The following ANKLE2 variants were observed in gnomAD, a reference collection of about 807,000 sequenced individuals.
The protein encoded by ANKLE2 is ankyrin repeat and LEM domain containing 2, also known as ankyrin repeat and LEM domain-containing protein 2.
In ANKLE2, 55 loss-of-function variants were observed where a neutral mutation model predicts 84.2. The observed-to-expected ratio is 0.65, with a 90% CI of 0.53 to 0.82. The LOEUF (loss-of-function observed/expected upper bound fraction) is 0.82. Among genes scored for constraint, ANKLE2 ranks in the 40% least tolerant of loss-of-function variants. The pLI is 0.00. For synonymous variants in ANKLE2, 551 were observed against 486.1 expected, an observed-to-expected ratio of 1.13 and a Z score of -1.76; for missense variants, 1,238 against 1,201.9, an observed-to-expected ratio of 1.03 and a Z score of -0.44.
chr12:132,744,918 G>A (rs1261025299), intron 5 of ANKLE2, among the ~76,000 whole-genome samples: 1 of 152,216 alleles, frequency 6.6e-6, no homozygotes, highest in Non-Finnish European at 1.5e-5. Context: ...CTGACCTCGT[G>A]ATCCGCCTGC....
At position 132,734,467 on chromosome 12, in the gene ANKLE2, G is replaced by A; in HGVS notation, c.1809C>T (p.Leu603=). The stretch of plus-strand genomic sequence containing the variant: ...CCTTTTTGCCTATTTCCTGCTGTGT[G>A]AGATATTCTTCTAGTCTTTGCAGGC... The part of the protein sequence containing the change: ...QEGLQRLEEY[L]TQQEIGKKAQ... The change falls in exon 10 of 13, where the codon CTC becomes CTT. Residue 603 remains leucine, a synonymous_variant. Coordinates refer to ENST00000357997, the MANE Select transcript of ANKLE2 (RefSeq NM_015114.3). 1 of 1,614,142 alleles carries A rather than the reference G, an allele frequency of 6.2e-7. No homozygotes were observed. Among genetic ancestry groups the A allele is most frequent in the Non-Finnish European group, 8.5e-7 (1 of 1,180,018 alleles).
At position 132,754,733 on chromosome 12, in the gene ANKLE2, C is replaced by G; in HGVS notation, c.582G>C (p.Lys194Asn). ...DTYRAGATAS[K>N]EPPLYYGVCP... Reference sequence around the variant, plus strand: ...ACACCCCATAGTACAGGGGCGGCTCCTTAGACGCAGTCGCTCCAGCTCTGT... The same window carrying G: ...ACACCCCATAGTACAGGGGCGGCTCGTTAGACGCAGTCGCTCCAGCTCTGT... The change falls in exon 2 of 13, where the codon AAG becomes AAC. Residue 194 changes from lysine (K) to asparagine (N), a missense_variant. Physicochemically the swap from Lys to Asn is moderately conservative, Grantham distance 94 (BLOSUM62 0). This residue lies in a region of ANKLE2 where 422 missense variants were observed against 394.5 expected (regional missense o/e 1.07). Coordinates refer to ENST00000357997, the MANE Select transcript of ANKLE2 (RefSeq NM_015114.3). The G allele has an allele frequency of 6.2e-7, 1 of 1,614,156 alleles. No individual in the cohort carries two copies. The highest frequency in any genetic ancestry group is 1.1e-5 in the South Asian group (1 of 91,082).
At chr12:132,735,340 T>G in intron 9 of ANKLE2, 66 bp downstream of exon 9, 1 of 1,415,562 alleles carries the variant, frequency 7.1e-7, no homozygotes, top group Non-Finnish European at 1.0e-6. Flanking sequence ...TGATTTGACC[T>G]TCTGTCATTA....
rs527490263 is a variant in ANKLE2 at position 132,730,181 on chromosome 12, T to C, written c.1981A>G (p.Asn661Asp). Reference sequence around the variant, plus strand: ...AAAGCACCGACTGTGGGCGGGCTGTTATTTCGAGCTGCATTTTGCCGATTT... The same window carrying C: ...AAAGCACCGACTGTGGGCGGGCTGTCATTTCGAGCTGCATTTTGCCGATTT... Reference protein sequence around the residue: ...IKNRQNAARNNSPPTVGAFGH... With the variant: ...IKNRQNAARNDSPPTVGAFGH... The change falls in exon 11 of 13, where the codon AAC (asparagine) becomes GAC (aspartate). Residue 661 changes from asparagine (N) to aspartate (D), a missense_variant. Coordinates refer to ENST00000357997, the MANE Select transcript of ANKLE2 (RefSeq NM_015114.3). 1.9e-6 allele frequency: 3 copies of C among 1,605,348 alleles called. No homozygotes were observed. Among genetic ancestry groups the C allele is most frequent in the African/African-American group, 1.3e-5 (1 of 74,736 alleles).
Position 132,730,186 on chromosome 12 carries a change from C to T in ANKLE2, c.1976G>A (p.Arg659Gln), listed in dbSNP as rs777760210. 8 of 1,603,652 alleles carry T rather than the reference C, an allele frequency of 5.0e-6. No homozygotes were observed. The highest frequency in any genetic ancestry group is 3.3e-5 in the South Asian group (3 of 90,794). Residue 659 changes from arginine to glutamine, a missense_variant, in exon 11 of 13, where the codon CGA becomes CAA. By Grantham distance (43) the Arg-to-Gln change is conservative. This residue lies in a region of ANKLE2 where 802 missense variants were observed against 774.5 expected (regional missense o/e 1.04). Coordinates refer to ENST00000357997, the MANE Select transcript of ANKLE2 (RefSeq NM_015114.3). ...EEIKNRQNAA[R>Q]NNSPPTVGAF... is the part of the protein sequence containing the mutation. The stretch of plus-strand genomic sequence containing the variant: ...ACCGACTGTGGGCGGGCTGTTATTT[C>T]GAGCTGCATTTTGCCGATTTTTTAT...
chr12:132,728,479 C>T (rs1371328105), intron 11 of ANKLE2, among the ~76,000 whole-genome samples: 3 of 152,222 alleles, frequency 2.0e-5, no homozygotes, highest in African/African-American at 4.8e-5. Context: ...CCACCCACCT[C>T]GGCCTCCCAA....
Position 132,727,991 on chromosome 12 carries a change from A to C in ANKLE2, c.2615+41T>G, listed in dbSNP as rs758973578. On this transcript the variant is annotated intron_variant, in intron 12 of 12. Coordinates refer to ENST00000357997, the MANE Select transcript of ANKLE2 (RefSeq NM_015114.3). ...AACTGGACCCTGCAGAAGTTTCCAA[A>C]AGCTGCCCTGCGGGTGACAGGCTGT... 2.2e-5 allele frequency: 35 copies of C among 1,568,428 alleles called. No individual in the cohort carries two copies. In the Admixed American group the frequency reaches 7.1e-4, roughly 32 times the overall value.
At chr12:132,753,861 G>T (rs114877680) in intron 2 of ANKLE2, among the ~76,000 whole-genome samples, 1,995 of 152,338 alleles carry the variant, frequency 0.013, 33 homozygotes, top group African/African-American at 0.046. Context: ...AGCCAGAAAG[G>T]TTGAGGCTGC....
At position 132,755,126 on chromosome 12, in the gene ANKLE2, C is replaced by A; in HGVS notation, c.189G>T (p.Met63Ile). 2 of 1,598,568 alleles carry A rather than the reference C, an allele frequency of 1.3e-6. No homozygotes were observed. The highest frequency in any genetic ancestry group is 1.7e-6 in the Non-Finnish European group (2 of 1,176,542). Residue 63 changes from methionine to isoleucine, a missense_variant, in exon 2 of 13, where the codon ATG becomes ATT. By Grantham distance (10) the Met-to-Ile change is conservative. Around this residue, in one of 3 missense-constraint regions of ANKLE2, gnomAD observed 422 missense variants for 394.5 expected, o/e 1.07. Transcript: ENST00000357997. ...ATCGAGCCAACAGAGCATCCATTGT[C>A]ATTTCACCTAGGCCCAAGACAAAAA... ...SAAAAPASGEMTMDALLARLK... is the reference protein window; with the variant it reads ...SAAAAPASGEITMDALLARLK...
chr12:132,760,328 C>T (rs1427466538), intron 1 of ANKLE2: 1 of 152,128 alleles, frequency 6.6e-6, no homozygotes, highest in East Asian at 1.9e-4. Flanking sequence ...ATTTTCTCCC[C>T]ACAAATCACG....
In ANKLE2 at chr12:132,754,735, T is replaced by C. The variant is rs2044438308; in HGVS notation, c.580A>G (p.Lys194Glu). 6.2e-7 allele frequency: 1 copy of C among 1,614,004 alleles called. No homozygotes were observed. ...ACCCCATAGTACAGGGGCGGCTCCT[T>C]AGACGCAGTCGCTCCAGCTCTGTAG... ...DTYRAGATAS[K>E]EPPLYYGVCP... is the part of the protein sequence containing the mutation. Residue 194 changes from lysine to glutamate, a missense_variant, in exon 2 of 13, where the codon AAG (lysine) becomes GAG (glutamate). By Grantham distance (56) the Lys-to-Glu change is moderately conservative (BLOSUM62 1). Coordinates refer to ENST00000357997, the MANE Select transcript of ANKLE2 (RefSeq NM_015114.3).
rs2043690310 is a variant in ANKLE2, at chr12:132,725,868, CAAAT to C, written c.*1370_*1373del. On this transcript the variant is annotated 3_prime_UTR_variant, in exon 13 of 13. Transcript: ENST00000357997. ...GATCTAGATCTTGTCTGCTACAAAA[CAAAT>C]GAACACACCCTGTGTAACAAAATCG... The C allele has an allele frequency of 6.6e-6, 1 of 152,170 alleles. No individual in the cohort carries two copies. The highest frequency in any genetic ancestry group is 2.1e-4 in the South Asian group (1 of 4,832). The allele number at this position is 152,170 out of a possible 1,614,324, so 9.4% of individuals were successfully genotyped here. A position where few individuals can be genotyped will look rare whatever the true frequency, so the allele number is the denominator to read the frequency against.
rs1273727555 is a variant in ANKLE2, at chr12:132,726,591, A to G, written c.*651T>C. 1 of 152,224 alleles carries G rather than the reference A, an allele frequency of 6.6e-6. No individual in the cohort carries two copies. The highest frequency in any genetic ancestry group is 1.5e-5 in the Non-Finnish European group (1 of 68,068). 9.4% of individuals were successfully genotyped at this position (152,224 alleles called of 1,614,324 possible). ...CTCCCACGGGCTGCAAGACTTCCCA[A>G]GAGAAAAGCTACTTTCATCTTCTGA... On this transcript the variant is annotated 3_prime_UTR_variant, in exon 13 of 13. Transcript: ENST00000357997.
Position 132,729,666 on chromosome 12 carries a change from A to G in ANKLE2, c.2483+13T>C. Reference sequence around the variant, plus strand: ...GGGAAGGAAAGTGAGTGCAGAGGGCAACACACTCCTACCCAAAAAGGAAGA... The same window carrying G: ...GGGAAGGAAAGTGAGTGCAGAGGGCGACACACTCCTACCCAAAAAGGAAGA... On this transcript the variant is annotated intron_variant, in intron 11 of 12. Coordinates refer to ENST00000357997, the MANE Select transcript of ANKLE2 (RefSeq NM_015114.3). The G allele has an allele frequency of 6.4e-7, 1 of 1,568,332 alleles. No individual in the cohort carries two copies. Among genetic ancestry groups the G allele is most frequent in the Non-Finnish European group, 8.7e-7 (1 of 1,155,346 alleles).
intron 1 of ANKLE2, chr12:132,757,924 C>T: frequency 6.7e-6 from 1 of 148,206 alleles, no homozygotes; most frequent in Non-Finnish European, 1.5e-5. Context: ...TTTGAGGATG[C>T]AGTGAGCCCT....
At chr12:132,756,381 A>AC (rs937939003) in intron 1 of ANKLE2, 2 of 151,802 alleles carry the variant, frequency 1.3e-5, no homozygotes, top group African/African-American at 2.4e-5. Flanking sequence ...AAAAAAAAAA[A>AC]ATTACCCGAG....
At chr12:132,734,655 C>T in intron 9 of ANKLE2, 80 bp from the exon 10 acceptor site, 1 of 1,358,184 alleles carries the variant, frequency 7.4e-7, no homozygotes. Flanking sequence ...GCCACTAAAG[C>T]TTCAAGTACC....
At position 132,743,561 on chromosome 12, in the gene ANKLE2, C is replaced by T. The variant is rs2044175081; in HGVS notation, c.1231-285G>A. On this transcript the variant is annotated intron_variant, in intron 5 of 12. Transcript: ENST00000357997. This position sits in a 1 kb window ranked among gnomAD's most constrained non-coding sequence, Gnocchi z 4.1. ...ATGGGGTTTCACCATATTGGTGAGACTGGTCTCGAACTCCTGACCTCAGGT... is the reference window on the plus strand; with the variant it reads ...ATGGGGTTTCACCATATTGGTGAGATTGGTCTCGAACTCCTGACCTCAGGT... Among the ~76,000 whole-genome samples the T allele has an allele frequency of 6.7e-6, 1 of 150,356 alleles. No individual in the cohort carries two copies. Among genetic ancestry groups the T allele is most frequent in the African/African-American group, 2.5e-5 (1 of 40,814 alleles).
chr12:132,746,029 G>A (rs2044230029), intron 5 of ANKLE2, among the ~76,000 whole-genome samples: 1 of 152,184 alleles, frequency 6.6e-6, no homozygotes, highest in East Asian at 1.9e-4. Flanking sequence ...TTGAAATACT[G>A]AGCCAAAGCC....
Sources: allele counts gnomAD v4.1 joint callset (sites outside exome capture counted in the v4.1 genomes callset), GRCh38; gene constraint gnomAD v4.1.1; regional missense constraint gnomAD v4.1.1; non-coding constraint Gnocchi (gnomAD v3.1); transcripts MANE v1.5; gene names NCBI Gene and HGNC (gene_info 2026-07-23, HGNC 2026-07-21).